MTPN: variants seen among roughly 807,000 people sequenced by gnomAD.
The protein encoded by MTPN is granule cell differentiation protein.
Under a neutral mutation model 13.5 loss-of-function variants are expected in MTPN, and 2 were observed. The ratio of observed to expected loss-of-function variants is 0.15; its 90% CI spans 0.06 to 0.47. MTPN has a LOEUF of 0.47. Among genes scored for constraint, MTPN ranks in the 20% least tolerant of loss-of-function variants. The pLI, the probability that MTPN is intolerant of heterozygous loss-of-function variation, is 0.97. For missense variants in MTPN, 79 were observed against 137.9 expected (o/e 0.57, Z 2.14); for synonymous variants, 46 against 51.7 (o/e 0.89, Z 0.48).
At chr7:135,948,021 GA>G (rs1427325429) in intron 3 of MTPN, among the ~76,000 whole-genome samples, 1 of 152,084 alleles carries the variant, frequency 6.6e-6, no homozygotes, top group African/African-American at 2.4e-5. Context: ...AATGAATCTG[GA>G]AAGTTCTTAA....
chr7:135,931,586 T>C (rs146558716), intron 3 of MTPN, among the ~76,000 whole-genome samples: 1 of 152,170 alleles, frequency 6.6e-6, no homozygotes, highest in African/African-American at 2.4e-5. Flanking sequence ...GCGTGAGAAC[T>C]TCAGTGCTGT....
intron 1 of MTPN, among the ~76,000 whole-genome samples, chr7:135,969,241 A>T (rs1799655682): frequency 1.0e-5 from 1 of 97,300 alleles, no homozygotes. Context: ...AGTATAATAA[A>T]AAAAAAAAAA....
intron 3 of MTPN, among the ~76,000 whole-genome samples, chr7:135,948,929 G>C (rs1049927807): frequency 6.6e-5 from 10 of 152,266 alleles, no homozygotes; most frequent in Admixed American, 5.2e-4. Flanking sequence ...AAAAAGGTCA[G>C]GGAAAAGGCG....
chr7:135,975,634 G>A (rs1361357454), intron 1 of MTPN, among the ~76,000 whole-genome samples: 2 of 152,146 alleles, frequency 1.3e-5, no homozygotes, highest in Non-Finnish European at 2.9e-5. Context: ...CACCATGACA[G>A]GAAAACAAAA....
intron 1 of MTPN, among the ~76,000 whole-genome samples, chr7:135,956,130 G>C (rs924300423): frequency 2.0e-5 from 3 of 152,166 alleles, no homozygotes; most frequent in East Asian, 1.9e-4. Context: ...CATGGTTAGG[G>C]GGGTGCTGAA....
intron 2 of MTPN, 107 bp downstream of exon 2, chr7:135,951,410 T>C: frequency 1.8e-6 from 1 of 553,336 alleles, no homozygotes; most frequent in East Asian, 3.1e-5. Context: ...TGTATTCTTA[T>C]TTAGAATGAA....
At chr7:135,962,763 C>T (rs1480039608) in intron 1 of MTPN, among the ~76,000 whole-genome samples, 1 of 152,022 alleles carries the variant, frequency 6.6e-6, no homozygotes, top group African/African-American at 2.4e-5. Flanking sequence ...GTACTTCTTA[C>T]AGGCCTCTAT....
At chr7:135,954,203 T>C (rs530731215) in intron 1 of MTPN, among the ~76,000 whole-genome samples, 17 of 152,338 alleles carry the variant, frequency 1.1e-4, no homozygotes, top group African/African-American at 2.4e-4. Flanking sequence ...GCCTGACACA[T>C]TGTTTAACAA....
At chr7:135,960,163 T>C (rs1303839544) in intron 1 of MTPN, among the ~76,000 whole-genome samples, 2 of 152,080 alleles carry the variant, frequency 1.3e-5, no homozygotes, top group Non-Finnish European at 2.9e-5. Context: ...AAACCATTCA[T>C]ATAATGTGAT....
chr7:135,937,957 T>C (rs1480261194), intron 3 of MTPN, among the ~76,000 whole-genome samples: 1 of 152,224 alleles, frequency 6.6e-6, no homozygotes, highest in African/African-American at 2.4e-5. Flanking sequence ...AAAATATGTG[T>C]TGACTGTCTG....
chr7:135,967,031 G>A (rs889467836), intron 1 of MTPN, among the ~76,000 whole-genome samples: 4 of 152,132 alleles, frequency 2.6e-5, no homozygotes, highest in Admixed American at 2.6e-4. Flanking sequence ...CACTATTCAA[G>A]TGACTAAATG....
At chr7:135,949,882 A>G (rs142623731) in intron 3 of MTPN, among the ~76,000 whole-genome samples, 1 of 152,348 alleles carries the variant, frequency 6.6e-6, no homozygotes, top group East Asian at 1.9e-4. Context: ...GAAATATTAT[A>G]AACAACACTT....
intron 3 of MTPN, among the ~76,000 whole-genome samples, chr7:135,937,011 T>C (rs1799125390): frequency 6.6e-6 from 1 of 152,204 alleles, no homozygotes; most frequent in Non-Finnish European, 1.5e-5. Context: ...AAAGATAAGA[T>C]ATACCCACAT....
rs1269765757 is a variant in MTPN, at chr7:135,927,553, A to G, written c.*2373T>C. ...TTCGCTAATGCATGTAGTACCAGAA[A>G]GCAAACATGGTTTTAGCTTCCTTTA... On this transcript the variant is annotated 3_prime_UTR_variant, in exon 4 of 4. Coordinates refer to ENST00000393085, the MANE Select transcript of MTPN (RefSeq NM_145808.4). 5.3e-6 allele frequency: 4 copies of G among 753,500 alleles called. No homozygotes were observed. The highest frequency in any genetic ancestry group is 9.1e-6 in the Non-Finnish European group (4 of 440,100). 46.7% of individuals were successfully genotyped at this position (753,500 alleles called of 1,614,324 possible).
chr7:135,948,957 G>A (rs1266525012), intron 3 of MTPN, among the ~76,000 whole-genome samples: 1 of 152,146 alleles, frequency 6.6e-6, no homozygotes, highest in Non-Finnish European at 1.5e-5. Context: ...AGGGTAAGGA[G>A]GGAGTCCTCC....
intron 3 of MTPN, chr7:135,932,642 A>G (rs1412006433): frequency 6.6e-6 from 1 of 152,010 alleles, no homozygotes; most frequent in East Asian, 1.9e-4. Flanking sequence ...TTAGAAGTAG[A>G]GTGACTATAT....
chr7:135,972,706 A>C (rs752038964), intron 1 of MTPN, among the ~76,000 whole-genome samples: 15 of 152,234 alleles, frequency 9.9e-5, no homozygotes, highest in Middle Eastern at 3.4e-3. Context: ...ACAGTAAAAG[A>C]AGCAGCACTC....
At chr7:135,953,986 T>TAA (rs1189228237) in intron 1 of MTPN, among the ~76,000 whole-genome samples, 4 of 152,170 alleles carry the variant, frequency 2.6e-5, no homozygotes, top group Admixed American at 2.0e-4. Flanking sequence ...TGTATATATA[T>TAA]AATGTCTATA....
Position 135,936,622 on chromosome 7 carries a change from T to C in MTPN, c.271-6610A>G, listed in dbSNP as rs73445829. Among the ~76,000 whole-genome samples, 411 of 152,356 alleles carry C rather than the reference T, an allele frequency of 2.7e-3. 2 individuals carry two copies. Among genetic ancestry groups the C allele is most frequent in the African/African-American group, 9.3e-3 (387 of 41,590 alleles). On this transcript the variant is annotated intron_variant, in intron 3 of 3. Coordinates refer to ENST00000393085, the MANE Select transcript of MTPN (RefSeq NM_145808.4). ...CAAAGCATTTCCATTGTGAACAGGC[T>C]GCCTGCCTACTAGCACACTATATAA...
Sources: allele counts gnomAD v4.1 joint callset (sites outside exome capture counted in the v4.1 genomes callset), GRCh38; gene constraint gnomAD v4.1.1; transcripts MANE v1.5; gene names NCBI Gene and HGNC (gene_info 2026-07-23, HGNC 2026-07-21).